Variants in ANTXR2 observed in about 807,000 individuals in gnomAD.
The protein encoded by ANTXR2 is ANTXR cell adhesion molecule 2.
ANTXR2 carries 44 observed loss-of-function variants against 73.7 expected under a neutral mutation model. The ratio of observed to expected loss-of-function variants is 0.60; its 90% CI spans 0.47 to 0.77. The LOEUF is 0.77. Ranked by LOEUF, ANTXR2 falls within the 30% of genes least tolerant of loss-of-function variation. ANTXR2 has a pLI of 0.00. For missense variants in ANTXR2, 604 were observed against 592.5 expected, an observed-to-expected ratio of 1.02 and a Z score of -0.20; for synonymous variants, 217 against 205.9, an observed-to-expected ratio of 1.05 and a Z score of -0.46.
chr4:79,965,927 T>C (rs567996676), intron 16 of ANTXR2, among the ~76,000 whole-genome samples: 1 of 152,312 alleles, frequency 6.6e-6, no homozygotes, highest in South Asian at 2.1e-4. Flanking sequence ...CTTAAAAATA[T>C]AAAATCTTTC....
intron 16 of ANTXR2, among the ~76,000 whole-genome samples, chr4:79,915,883 A>AC (rs1727337327): frequency 8.8e-6 from 1 of 114,102 alleles, no homozygotes; most frequent in Non-Finnish European, 2.0e-5. Flanking sequence ...TATATACATA[A>AC]AGAATCTGTG....
At chr4:79,955,712 C>A (rs545530335) in intron 16 of ANTXR2, among the ~76,000 whole-genome samples, 4 of 152,092 alleles carry the variant, frequency 2.6e-5, no homozygotes, top group Non-Finnish European at 5.9e-5. Flanking sequence ...TTTTTCTATA[C>A]ACAAATGAGA....
chr4:80,032,146 C>T (rs1396213919), intron 9 of ANTXR2, among the ~76,000 whole-genome samples: 1 of 151,698 alleles, frequency 6.6e-6, no homozygotes, highest in Non-Finnish European at 1.5e-5. Flanking sequence ...AAGTCACATA[C>T]TTAAATCGCC....
chr4:80,055,479 G>T lies in ANTXR2; in HGVS notation c.379-12C>A, dbSNP rs1319834841. ...ATTTGTTCATTCGCCTGAAAATGAA[G>T]AATAATTATCCAACTCACAATTTAA... On this transcript the variant is annotated splice_polypyrimidine_tract_variant and intron_variant, in intron 4 of 16. Transcript: ENST00000403729. 6.3e-7 allele frequency: 1 copy of T among 1,589,184 alleles called. No individual in the cohort carries two copies.
At chr4:80,071,935 C>T (rs975710137) in intron 1 of ANTXR2, among the ~76,000 whole-genome samples, 4 of 152,164 alleles carry the variant, frequency 2.6e-5, no homozygotes, top group Non-Finnish European at 4.4e-5. Context: ...CCCAGCTCTT[C>T]AGAGTAAACA....
chr4:80,049,899 G>A (rs770347939), intron 7 of ANTXR2, among the ~76,000 whole-genome samples: 3 of 151,556 alleles, frequency 2.0e-5, no homozygotes, highest in South Asian at 2.1e-4. Flanking sequence ...CATGTCTCTC[G>A]GAGCCCAGCT....
intron 7 of ANTXR2, among the ~76,000 whole-genome samples, chr4:80,050,049 G>C (rs185650600): frequency 6.6e-6 from 1 of 151,732 alleles, no homozygotes; most frequent in African/African-American, 2.4e-5. Context: ...GAATCCCAGT[G>C]CCAAGAATAA....
At position 80,037,752 on chromosome 4, in the gene ANTXR2, C is replaced by A. The variant is rs78130904; in HGVS notation, c.637-1720G>T. Among the ~76,000 whole-genome samples, 14 of 152,158 alleles carry A rather than the reference C, an allele frequency of 9.2e-5. No homozygotes were observed. In the East Asian group the frequency reaches 2.7e-3, roughly 29 times the overall value. ...TTTGGACATAATTCAGATAACAAGA[C>A]TCTGAAGGAAATAGAATAGAAAAGA... On this transcript the variant is annotated intron_variant, in intron 7 of 16. Coordinates refer to ENST00000403729, the MANE Select transcript of ANTXR2 (RefSeq NM_058172.6).
chr4:80,005,329 T>C (rs566810998), intron 12 of ANTXR2, among the ~76,000 whole-genome samples: 9 of 152,126 alleles, frequency 5.9e-5, no homozygotes, highest in Non-Finnish European at 1.2e-4. Flanking sequence ...TTAAAACATA[T>C]TCAAGCAAAA....
At chr4:79,910,539 AAAAAG>A (rs929200209) in intron 16 of ANTXR2, among the ~76,000 whole-genome samples, 3 of 151,622 alleles carry the variant, frequency 2.0e-5, no homozygotes, top group African/African-American at 7.3e-5. Context: ...AAAGAAAAAA[AAAAAG>A]AAAACAAAAA....
At chr4:80,060,119 ACAC>A (rs1734177443) in intron 3 of ANTXR2, among the ~76,000 whole-genome samples, 1 of 151,646 alleles carries the variant, frequency 6.6e-6, no homozygotes, top group South Asian at 2.1e-4. Flanking sequence ...TTGTATGTGA[ACAC>A]CGTGATTCTA....
In ANTXR2 at chr4:80,061,040, G is replaced by A. The variant is rs544424743; in HGVS notation, c.297-5027C>T. On this transcript the variant is annotated intron_variant, in intron 3 of 16. Coordinates refer to ENST00000403729, the MANE Select transcript of ANTXR2 (RefSeq NM_058172.6). ...AGCTAAGACTGTTAACCAGAGTCTCGATTCTCCTCCACATGGCTAGGTTGG... is the reference window on the plus strand; with the variant it reads ...AGCTAAGACTGTTAACCAGAGTCTCAATTCTCCTCCACATGGCTAGGTTGG... Among the ~76,000 whole-genome samples the A allele has an allele frequency of 9.0e-4, 137 of 152,194 alleles. 1 individual carries two copies. The highest frequency in any genetic ancestry group is 3.1e-3 in the African/African-American group (130 of 41,520).
Position 79,905,673 on chromosome 4 carries a change from T to C in ANTXR2, c.*1756A>G, listed in dbSNP as rs1003271402. 6 of 152,182 alleles carry C rather than the reference T, an allele frequency of 3.9e-5. No homozygotes were observed. Among genetic ancestry groups the C allele is most frequent in the Admixed American group, 2.6e-4 (4 of 15,266 alleles). 9.4% of individuals were successfully genotyped at this position (152,182 alleles called of 1,614,324 possible). On this transcript the variant is annotated 3_prime_UTR_variant, in exon 17 of 17. Transcript: ENST00000403729. ...AGCAAAAGTTTCAAGCTAGAGGATA[T>C]ATATGTATAGAAAATTATATATTTG...
intron 16 of ANTXR2, among the ~76,000 whole-genome samples, chr4:79,913,856 G>T (rs1220580065): frequency 6.6e-6 from 1 of 152,102 alleles, no homozygotes; most frequent in African/African-American, 2.4e-5. Flanking sequence ...CAAACCTAAT[G>T]CTCCACTCTT....
intron 12 of ANTXR2, among the ~76,000 whole-genome samples, chr4:80,000,513 G>A (rs1206039599): frequency 1.3e-5 from 2 of 152,000 alleles, no homozygotes; most frequent in African/African-American, 4.8e-5. Flanking sequence ...TACAATGATA[G>A]GTAGAATACA....
chr4:80,072,394 C>T lies in ANTXR2; in HGVS notation c.152+15G>A, dbSNP rs557824129. 14 of 1,584,840 alleles carry T rather than the reference C, an allele frequency of 8.8e-6. No individual in the cohort carries two copies. The East Asian group carries it at 3.3e-4, about 38-fold the overall frequency. On this transcript the variant is annotated intron_variant, in intron 1 of 16. Transcript: ENST00000403729. ...GCCCTCACCAGGAGACCCTGGACCT[C>T]CCTCGCACACTCACTTGTCCAGGAC... is the stretch of plus-strand genomic sequence containing the variant.
chr4:79,955,614 T>C (rs941483370), intron 16 of ANTXR2, among the ~76,000 whole-genome samples: 3 of 152,116 alleles, frequency 2.0e-5, no homozygotes, highest in Non-Finnish European at 2.9e-5. Flanking sequence ...AGGAAAAATA[T>C]CATATTCATA....
chr4:79,996,989 T>C (rs943378947), intron 12 of ANTXR2, among the ~76,000 whole-genome samples: 2 of 151,766 alleles, frequency 1.3e-5, no homozygotes, highest in African/African-American at 2.4e-5. Flanking sequence ...GTTATTATCA[T>C]CATCAGGAAG....
chr4:80,035,860 C>A, intron 8 of ANTXR2, 112 bp downstream of exon 8: 3 of 844,566 alleles, frequency 3.6e-6, no homozygotes, highest in Non-Finnish European at 3.7e-6. Context: ...AAAAAAGATG[C>A]CAAAAAAGTT....
Sources: allele counts gnomAD v4.1 joint callset (sites outside exome capture counted in the v4.1 genomes callset), GRCh38; gene constraint gnomAD v4.1.1; transcripts MANE v1.5; gene names NCBI Gene and HGNC (gene_info 2026-07-23, HGNC 2026-07-21).